The following SLC5A10 variants were observed in gnomAD, a reference collection of about 807,000 sequenced individuals.
The protein encoded by SLC5A10 is sodium/mannose cotransporter SLC5A10.
In SLC5A10, 55 loss-of-function variants were observed where a neutral mutation model predicts 68.9. The ratio of observed to expected loss-of-function variants is 0.80; its 90% CI spans 0.64 to 1.00. The LOEUF (loss-of-function observed/expected upper bound fraction) is 1.00. Among genes scored for constraint, SLC5A10 ranks in the 50% least tolerant of loss-of-function variants. SLC5A10 has a pLI of 0.00. For missense variants in SLC5A10, 732 were observed against 819.3 expected, an observed-to-expected ratio of 0.89 and a Z score of 1.30; for synonymous variants, 344 against 344.8, an observed-to-expected ratio of 1.00 and a Z score of 0.02.
In SLC5A10 at chr17:18,971,441, T is replaced by C. The variant is rs760722607; in HGVS notation, c.846+223T>C. The C allele has an allele frequency of 1.2e-6, 2 of 1,613,814 alleles. No homozygotes were observed. The highest frequency in any genetic ancestry group is 1.7e-6 in the Non-Finnish European group (2 of 1,180,008). On this transcript the variant is annotated intron_variant, in intron 8 of 14. Transcript: ENST00000395645. This position sits in a 1 kb window ranked among gnomAD's most constrained non-coding sequence, Gnocchi z 5.5. ...CCACTGGCTACCGCCCGTCCTGGCC[T>C]TTAGGTGCTTCGACTGAGACAGTTT...
Position 18,971,354 on chromosome 17 carries a change from T to G in SLC5A10, c.846+136T>G. 1 of 1,582,768 alleles carries G rather than the reference T, an allele frequency of 6.3e-7. No individual in the cohort carries two copies. The highest frequency in any genetic ancestry group is 8.6e-7 in the Non-Finnish European group (1 of 1,168,676). ...GAAGGTGTGGCTCCAGGCTGGGACA[T>G]GCTGCTAGGGGTCTTTGCGGTCCCG... On this transcript the variant is annotated intron_variant, in intron 8 of 14. Coordinates refer to ENST00000395645, the MANE Select transcript of SLC5A10 (RefSeq NM_001042450.4). The surrounding 1 kb of genome is among the most constrained non-coding windows in gnomAD (Gnocchi z 5.5).
chr17:18,973,297 A>G (rs1470419157), intron 8 of SLC5A10, among the ~76,000 whole-genome samples: 1 of 152,200 alleles, frequency 6.6e-6, no homozygotes, highest in East Asian at 1.9e-4. Context: ...GAATCTGCAC[A>G]TGTCCTGGCC....
At chr17:18,985,506 C>T (rs1303514939) in intron 9 of SLC5A10, among the ~76,000 whole-genome samples, 5 of 152,194 alleles carry the variant, frequency 3.3e-5, no homozygotes, top group African/African-American at 1.2e-4. Context: ...TGGCTGAGGG[C>T]AGGCCCAGGG....
At chr17:18,984,193 T>G (rs1298997979) in intron 9 of SLC5A10, among the ~76,000 whole-genome samples, 1 of 151,780 alleles carries the variant, frequency 6.6e-6, no homozygotes, top group Non-Finnish European at 1.5e-5. Context: ...ATACAAAAAA[T>G]TAGCCGGGCG....
intron 5 of SLC5A10, among the ~76,000 whole-genome samples, chr17:18,965,042 G>A (rs1005112164): frequency 6.6e-6 from 1 of 151,818 alleles, no homozygotes; most frequent in Admixed American, 6.6e-5. Flanking sequence ...TACTCGGAAG[G>A]CTGAGGCAGG....
intron 5 of SLC5A10, among the ~76,000 whole-genome samples, chr17:18,960,909 A>C (rs2042601588): frequency 6.6e-6 from 1 of 152,118 alleles, no homozygotes; most frequent in Non-Finnish European, 1.5e-5. Context: ...GCTTTGCCTC[A>C]GGTTCTAGAC....
At chr17:18,970,602 G>C (rs555805462) in intron 7 of SLC5A10, 39 of 245,566 alleles carry the variant, frequency 1.6e-4, no homozygotes, top group Non-Finnish European at 2.8e-4. Flanking sequence ...AGGTGATCAG[G>C]ATGAACACTT....
In SLC5A10 at chr17:19,015,204, G is replaced by GGGGGTGGGGGCCGGTACC; in HGVS notation, c.1241+17_1241+18insGGTACCGGGGTGGGGGCC. 6.7e-7 allele frequency: 1 copy of GGGGGTGGGGGCCGGTACC among 1,491,946 alleles called. No individual in the cohort carries two copies. The highest frequency in any genetic ancestry group is 9.2e-7 in the Non-Finnish European group (1 of 1,084,924). The allele number at this position is 1,491,946 out of a possible 1,614,324, so 92.4% of individuals were successfully genotyped here. On this transcript the variant is annotated splice_donor_region_variant and intron_variant, in intron 11 of 14. Coordinates refer to ENST00000395645, the MANE Select transcript of SLC5A10 (RefSeq NM_001042450.4). ...GGAGCTCCTGCTGGTGGGACGGTAC[G>GGGGGTGGGGGCCGGTACC]GGGGTGGGGGCCAGTACGGGGGTGG... is the stretch of plus-strand genomic sequence containing the variant.
chr17:18,998,990 G>A (rs931869132), intron 9 of SLC5A10, among the ~76,000 whole-genome samples: 3 of 152,206 alleles, frequency 2.0e-5, no homozygotes, highest in African/African-American at 7.2e-5. Context: ...TCATGAAAAC[G>A]CTTTTACTGC....
intron 9 of SLC5A10, among the ~76,000 whole-genome samples, chr17:18,984,955 C>G (rs2043232978): frequency 1.3e-5 from 2 of 152,256 alleles, no homozygotes; most frequent in South Asian, 4.1e-4. Context: ...TGGGGAGACA[C>G]TGGTGCACGC....
Position 18,971,834 on chromosome 17 carries a change from C to A in SLC5A10, c.846+616C>A. The A allele has an allele frequency of 2.1e-6, 3 of 1,446,932 alleles. No homozygotes were observed. The highest frequency in any genetic ancestry group is 2.8e-6 in the Non-Finnish European group (3 of 1,086,022). 89.6% of individuals were successfully genotyped at this position (1,446,932 alleles called of 1,614,324 possible). A position where few individuals can be genotyped will look rare whatever the true frequency, so the allele number is the denominator to read the frequency against. On this transcript the variant is annotated intron_variant, in intron 8 of 14. Coordinates refer to ENST00000395645, the MANE Select transcript of SLC5A10 (RefSeq NM_001042450.4). The surrounding 1 kb of genome is among the most constrained non-coding windows in gnomAD (Gnocchi z 5.5). ...GGACCCTGCTCAGGCACACAGGAGC[C>A]GGCAGGCCCGGGTTCGCCTCCTGGC...
chr17:18,960,400 T>C, intron 4 of SLC5A10, 148 bp from the exon 5 acceptor site: 1 of 705,826 alleles, frequency 1.4e-6, no homozygotes, highest in South Asian at 1.7e-5. Context: ...GTGCTGGGGC[T>C]GTAAGGGGTC....
intron 9 of SLC5A10, among the ~76,000 whole-genome samples, chr17:19,011,924 G>T (rs1462480634): frequency 6.6e-6 from 1 of 151,928 alleles, no homozygotes; most frequent in Non-Finnish European, 1.5e-5. Flanking sequence ...AGGGGGCTTT[G>T]GAGGGGGCAG....
rs763298260 is a variant in SLC5A10, at chr17:18,977,784, G to A, written c.982+795G>A. On this transcript the variant is annotated intron_variant, in intron 9 of 14. Coordinates refer to ENST00000395645, the MANE Select transcript of SLC5A10 (RefSeq NM_001042450.4). Reference sequence around the variant, plus strand: ...TGCTCTGAGTGGCGCCTCCGGAGAGGGACTGAGTGCTCTCTCACCTCGAAG... The same window carrying A: ...TGCTCTGAGTGGCGCCTCCGGAGAGAGACTGAGTGCTCTCTCACCTCGAAG... 3.7e-6 allele frequency: 6 copies of A among 1,602,556 alleles called. No individual in the cohort carries two copies. In the East Asian group the frequency reaches 1.3e-4, roughly 36 times the overall value.
chr17:18,954,257 C>G (rs1406101016), intron 1 of SLC5A10: 2 of 152,384 alleles, frequency 1.3e-5, no homozygotes, highest in Non-Finnish European at 2.9e-5. Flanking sequence ...CAGGCAAGAT[C>G]TGAAGAGGGA....
chr17:18,972,638 G>A (rs940025789), intron 8 of SLC5A10, among the ~76,000 whole-genome samples: 13 of 152,254 alleles, frequency 8.5e-5, no homozygotes, highest in Admixed American at 7.2e-4. Flanking sequence ...TGACATGGGC[G>A]GATCACGAGG....
chr17:18,952,059 T>C, upstream of SLC5A10: 2 of 1,331,264 alleles, frequency 1.5e-6, no homozygotes, highest in East Asian at 5.2e-5. Flanking sequence ...GTGAGGCAGC[T>C]GCCCTGCATG....
chr17:18,951,658 T>C (rs1172147719), upstream of SLC5A10: 2 of 152,754 alleles, frequency 1.3e-5, no homozygotes, highest in African/African-American at 4.8e-5. Context: ...GACATGGGGC[T>C]GCCTCTGAGC....
At chr17:18,972,625 G>A (rs2042882920) in intron 8 of SLC5A10, among the ~76,000 whole-genome samples, 1 of 152,204 alleles carries the variant, frequency 6.6e-6, no homozygotes, top group Non-Finnish European at 1.5e-5. Context: ...CACTTTGGGA[G>A]GCTGACATGG....
Sources: gnomAD v4.1 joint callset for allele counts (sites outside exome capture counted in the v4.1 genomes callset) on GRCh38, gnomAD v4.1.1 for gene constraint, Gnocchi (gnomAD v3.1) non-coding constraint, MANE v1.5 for transcripts, NCBI Gene and HGNC (gene_info 2026-07-23, HGNC 2026-07-21) for gene names.